Variants in PRKCI observed in about 807,000 individuals in gnomAD.
The protein encoded by PRKCI is protein kinase C iota.
Under a neutral mutation model 84.0 loss-of-function variants are expected in PRKCI, and 43 were observed. The ratio of observed to expected loss-of-function variants is 0.51; its 90% CI spans 0.40 to 0.66. The LOEUF (loss-of-function observed/expected upper bound fraction) is 0.66. Among genes scored for constraint, PRKCI ranks in the 30% least tolerant of loss-of-function variants. The probability of loss-of-function intolerance (pLI) is 0.00; values close to 1 mark genes in which losing one functional copy is unlikely to be tolerated. For synonymous variants in PRKCI, 216 were observed against 234.4 expected, an observed-to-expected ratio of 0.92 and a Z score of 0.72; for missense variants, 459 against 745.6, an observed-to-expected ratio of 0.62 and a Z score of 4.48.
At chr3:170,273,893 A>C (rs1734054807) in intron 7 of PRKCI, among the ~76,000 whole-genome samples, 1 of 151,496 alleles carries the variant, frequency 6.6e-6, no homozygotes, top group African/African-American at 2.4e-5. Context: ...TCACTTTGGG[A>C]GGTCGAGGCA....
At chr3:170,273,191 T>A in intron 6 of PRKCI, 95 bp from the exon 7 acceptor site, 1 of 1,028,234 alleles carries the variant, frequency 9.7e-7, no homozygotes, top group Non-Finnish European at 1.5e-6. Flanking sequence ...CTTTCAAAAT[T>A]AAATTTTAAT....
At chr3:170,237,654 A>T (rs567675801) in intron 2 of PRKCI, among the ~76,000 whole-genome samples, 83 of 152,330 alleles carry the variant, frequency 5.4e-4, no homozygotes, top group African/African-American at 1.7e-3. Flanking sequence ...AATATTTGGG[A>T]TCATTTCTAT....
chr3:170,303,595 T>C lies in PRKCI; in HGVS notation c.*468T>C, dbSNP rs1290989349. On this transcript the variant is annotated 3_prime_UTR_variant, in exon 18 of 18. Coordinates refer to ENST00000295797, the MANE Select transcript of PRKCI (RefSeq NM_002740.6). The stretch of plus-strand genomic sequence containing the variant: ...TACCTATTAGTTTTGGAGTTCTTTA[T>C]GTTTAAAAATTCAGGTGTAAATTTT... 2 of 226,946 alleles carry C rather than the reference T, an allele frequency of 8.8e-6. No individual in the cohort carries two copies. The highest frequency in any genetic ancestry group is 1.8e-5 in the Non-Finnish European group (2 of 114,282). 14.1% of individuals were successfully genotyped at this position (226,946 alleles called of 1,614,324 possible).
At chr3:170,223,637 T>G (rs1307694157) in intron 1 of PRKCI, among the ~76,000 whole-genome samples, 1 of 152,136 alleles carries the variant, frequency 6.6e-6, no homozygotes, top group African/African-American at 2.4e-5. Context: ...TTGAGATAAT[T>G]ATGTTTAGGA....
chr3:170,263,265 AGAG>A, intron 3 of PRKCI, 111 bp from the exon 4 acceptor site: 5 of 768,932 alleles, frequency 6.5e-6, no homozygotes, highest in Non-Finnish European at 1.1e-5. Flanking sequence ...TCTCAAGTGA[AGAG>A]AGGGTCAGGT....
At chr3:170,285,247 G>A (rs1418687976) in intron 12 of PRKCI, among the ~76,000 whole-genome samples, 1 of 151,558 alleles carries the variant, frequency 6.6e-6, no homozygotes, top group Non-Finnish European at 1.5e-5. Context: ...GCCCAGCTAA[G>A]TTTTTGTATT....
chr3:170,297,360 A>G lies in PRKCI; in HGVS notation c.1554A>G (p.Gly518=), dbSNP rs765519388. The change falls in exon 16 of 18, where the codon GGA becomes GGG. Residue 518 remains glycine (G), a synonymous_variant. Coordinates refer to ENST00000295797, the MANE Select transcript of PRKCI (RefSeq NM_002740.6). ...AAACAGGATTTGCTGATATTCAGGG[A>G]CACCCGTTCTTCCGAAATGTTGATT... ...HPQTGFADIQ[G]HPFFRNVDWD... 1 of 1,613,628 alleles carries G rather than the reference A, an allele frequency of 6.2e-7. No homozygotes were observed. The highest frequency in any genetic ancestry group is 1.1e-5 in the South Asian group (1 of 91,008).
chr3:170,271,593 C>T (rs1560178531), intron 6 of PRKCI, among the ~76,000 whole-genome samples: 1 of 151,758 alleles, frequency 6.6e-6, no homozygotes, highest in Non-Finnish European at 1.5e-5. Context: ...TTTTTCCTTA[C>T]AATTTAATTG....
At chr3:170,262,278 C>A (rs137920566) in intron 3 of PRKCI, among the ~76,000 whole-genome samples, 1 of 152,094 alleles carries the variant, frequency 6.6e-6, no homozygotes, top group Admixed American at 6.6e-5. Flanking sequence ...CTTTTAAAAA[C>A]CAATATTTTA....
chr3:170,291,776 T>G, intron 12 of PRKCI, 78 bp from the exon 13 acceptor site: 1 of 1,100,480 alleles, frequency 9.1e-7, no homozygotes, highest in Non-Finnish European at 1.4e-6. Flanking sequence ...TGAACTTATA[T>G]GATAGGTGAA....
chr3:170,248,914 C>CT (rs1733363684), intron 2 of PRKCI, among the ~76,000 whole-genome samples: 1 of 150,140 alleles, frequency 6.7e-6, no homozygotes, highest in Non-Finnish European at 1.5e-5. Flanking sequence ...GTGGCATGAT[C>CT]TCAGTTCACT....
intron 12 of PRKCI, 110 bp from the exon 13 acceptor site, chr3:170,291,744 C>G: frequency 1.3e-6 from 1 of 771,426 alleles, no homozygotes; most frequent in Non-Finnish European, 2.2e-6. Flanking sequence ...GTTAAGTGAG[C>G]TTAATGTATC....
intron 14 of PRKCI, among the ~76,000 whole-genome samples, chr3:170,295,487 G>A (rs1734667543): frequency 6.6e-6 from 1 of 152,030 alleles, no homozygotes; most frequent in Non-Finnish European, 1.5e-5. Context: ...GACCAGCCCG[G>A]CCAGCATGGT....
intron 3 of PRKCI, among the ~76,000 whole-genome samples, chr3:170,260,909 G>C (rs533856722): frequency 6.6e-6 from 1 of 152,236 alleles, no homozygotes; most frequent in South Asian, 2.1e-4. Context: ...TTCCAAATTT[G>C]TGTTTCATTC....
At chr3:170,231,129 T>A (rs963109499) in intron 1 of PRKCI, among the ~76,000 whole-genome samples, 3 of 151,752 alleles carry the variant, frequency 2.0e-5, no homozygotes. Context: ...CCTGGCTAAT[T>A]TTTGTATTTT....
chr3:170,274,539 C>T (rs1257409521), intron 7 of PRKCI, among the ~76,000 whole-genome samples: 2 of 152,082 alleles, frequency 1.3e-5, no homozygotes, highest in East Asian at 1.9e-4. Context: ...TAACTGAAAA[C>T]GTTAGATAGA....
chr3:170,257,695 G>A (rs1733618599), intron 2 of PRKCI, among the ~76,000 whole-genome samples: 1 of 143,436 alleles, frequency 7.0e-6, no homozygotes, highest in Admixed American at 7.1e-5. Flanking sequence ...ACAAAGTCTC[G>A]CTCTTGTTGC....
chr3:170,285,923 T>A (rs1291477472), intron 12 of PRKCI, among the ~76,000 whole-genome samples: 1 of 151,112 alleles, frequency 6.6e-6, no homozygotes, highest in African/African-American at 2.4e-5. Context: ...TTAATTTTTT[T>A]TTTTTTTTTT....
intron 7 of PRKCI, among the ~76,000 whole-genome samples, chr3:170,273,860 G>A (rs1734054157): frequency 6.6e-6 from 1 of 151,484 alleles, no homozygotes; most frequent in Admixed American, 6.6e-5. Context: ...GGCTGGGTGT[G>A]GTGGCTCACG....
Sources: gnomAD v4.1 joint callset for allele counts (sites outside exome capture counted in the v4.1 genomes callset) on GRCh38, gnomAD v4.1.1 for gene constraint, MANE v1.5 for transcripts, NCBI Gene and HGNC (gene_info 2026-07-23, HGNC 2026-07-21) for gene names.